DPP10: variants seen among roughly 807,000 people sequenced by gnomAD.
DPP10 encodes inactive dipeptidyl peptidase 10.
DPP10 carries 33 observed loss-of-function variants against 120.9 expected under a neutral mutation model. The ratio of observed to expected loss-of-function variants is 0.27; its 90% CI spans 0.21 to 0.37. The LOEUF is 0.37. Among genes scored for constraint, DPP10 ranks in the 10% least tolerant of loss-of-function variants. The probability of loss-of-function intolerance (pLI) is 1.00; values close to 1 mark genes in which losing one functional copy is unlikely to be tolerated. For synonymous variants in DPP10, 337 were observed against 326.1 expected, an observed-to-expected ratio of 1.03 and a Z score of -0.36; for missense variants, 816 against 942.8, an observed-to-expected ratio of 0.87 and a Z score of 1.76.
At chr2:115,448,070 C>G (rs1435717311) in intron 3 of DPP10, among the ~76,000 whole-genome samples, 1 of 152,136 alleles carries the variant, frequency 6.6e-6, no homozygotes, top group Non-Finnish European at 1.5e-5. Context: ...AGGAGAAGAT[C>G]CACCCTGTGT....
intron 7 of DPP10, among the ~76,000 whole-genome samples, chr2:115,723,670 T>G (rs1329604603): frequency 6.6e-6 from 1 of 150,852 alleles, no homozygotes; most frequent in Non-Finnish European, 1.5e-5. Context: ...GGATTGCTGG[T>G]GAGATGGAAT....
Position 115,499,604 on chromosome 2 carries a change from T to C in DPP10, c.366T>C (p.Phe122=), listed in dbSNP as rs777904268. The C allele has an allele frequency of 1.2e-6, 2 of 1,602,386 alleles. No individual in the cohort carries two copies. Among genetic ancestry groups the C allele is most frequent in the South Asian group, 2.2e-5 (2 of 90,700 alleles). The part of the protein sequence containing the change: ...ATTLLLENTT[F]VTFKASRHSV... ...CATTATTATTGGAAAACACAACTTT[T>C]GTAAGTAATGAATAATTAATTACTT... The change falls in exon 4 of 26, where the codon TTT becomes TTC. Residue 122 remains phenylalanine (F), a splice_region_variant and synonymous_variant. Transcript: ENST00000410059.
intron 1 of DPP10, among the ~76,000 whole-genome samples, chr2:114,716,289 T>C (rs541421155): frequency 2.0e-5 from 3 of 152,342 alleles, no homozygotes; most frequent in East Asian, 3.9e-4. Context: ...TTTTTGGTCA[T>C]GTATGACTTG....
At chr2:115,712,540 T>TTTTATTTATATATATATATA (rs778592374) in intron 7 of DPP10, among the ~76,000 whole-genome samples, 5 of 18,052 alleles carry the variant, frequency 2.8e-4, no homozygotes, top group African/African-American at 5.8e-4. Flanking sequence ...GAGTCCTGAA[T>TTTTATTTATATATATATATA]TAAATATATA....
At chr2:115,192,514 A>G (rs2054958150) in intron 1 of DPP10, among the ~76,000 whole-genome samples, 1 of 152,236 alleles carries the variant, frequency 6.6e-6, no homozygotes. Context: ...GATTTACCTC[A>G]TAAGGGGTTT....
chr2:114,865,613 C>G (rs969783510), intron 1 of DPP10, among the ~76,000 whole-genome samples: 1 of 152,050 alleles, frequency 6.6e-6, no homozygotes, highest in Non-Finnish European at 1.5e-5. Context: ...TGCTGGGACA[C>G]GTTCTATTCC....
chr2:115,676,262 A>C (rs2090250579), intron 5 of DPP10, among the ~76,000 whole-genome samples: 1 of 152,190 alleles, frequency 6.6e-6, no homozygotes, highest in Non-Finnish European at 1.5e-5. Context: ...ACTTAGAGAC[A>C]CTGCTGACAT....
At chr2:115,294,195 T>C (rs997362341) in intron 1 of DPP10, among the ~76,000 whole-genome samples, 3 of 152,066 alleles carry the variant, frequency 2.0e-5, no homozygotes, top group East Asian at 1.9e-4. Context: ...GGGAGCCTCA[T>C]TGAATCATTC....
At chr2:115,100,741 C>T (rs1164955301) in intron 1 of DPP10, among the ~76,000 whole-genome samples, 1 of 152,062 alleles carries the variant, frequency 6.6e-6, no homozygotes, top group Non-Finnish European at 1.5e-5. Context: ...GGAGTATTAA[C>T]CTGTGACACA....
intron 1 of DPP10, among the ~76,000 whole-genome samples, chr2:114,898,570 G>A (rs1380249431): frequency 3.3e-5 from 5 of 152,056 alleles, no homozygotes; most frequent in African/African-American, 1.2e-4. Context: ...GGAATGGAGT[G>A]TAAATATTGT....
At chr2:114,997,671 C>A (rs1422564162) in intron 1 of DPP10, among the ~76,000 whole-genome samples, 2 of 152,090 alleles carry the variant, frequency 1.3e-5, no homozygotes, top group African/African-American at 4.8e-5. Flanking sequence ...GCTTTAGCTG[C>A]ATAAATGATA....
intron 1 of DPP10, among the ~76,000 whole-genome samples, chr2:114,880,427 T>C (rs937546166): frequency 2.0e-5 from 3 of 152,182 alleles, no homozygotes; most frequent in Non-Finnish European, 4.4e-5. Flanking sequence ...TGCATCAGCA[T>C]AGTCAGATAT....
intron 5 of DPP10, among the ~76,000 whole-genome samples, chr2:115,628,920 C>CT (rs1221360101): frequency 6.6e-6 from 1 of 151,996 alleles, no homozygotes; most frequent in East Asian, 1.9e-4. Flanking sequence ...CACCCATTAA[C>CT]TCGTCATTTA....
chr2:115,055,487 CACTT>C lies in DPP10; in HGVS notation c.61-253750_61-253747del, dbSNP rs1464744427. ...TAGAAGAAAACGACAGGCGAAGAAC[CACTT>C]AAACAGGTCACTTTGAAGGAGTTCT... On this transcript the variant is annotated intron_variant, in intron 1 of 25. Coordinates refer to ENST00000410059, the MANE Select transcript of DPP10 (RefSeq NM_020868.6). Among the ~76,000 whole-genome samples, 8 of 152,254 alleles carry C rather than the reference CACTT, an allele frequency of 5.3e-5. No homozygotes were observed. The East Asian group carries it at 1.5e-3, about 29-fold the overall frequency.
intron 3 of DPP10, among the ~76,000 whole-genome samples, chr2:115,478,610 A>G (rs1360396439): frequency 6.6e-6 from 1 of 152,186 alleles, no homozygotes; most frequent in Non-Finnish European, 1.5e-5. Flanking sequence ...ACAGAGCCAT[A>G]AGGTAATCCA....
At chr2:115,116,796 G>T (rs1471826622) in intron 1 of DPP10, among the ~76,000 whole-genome samples, 13 of 152,020 alleles carry the variant, frequency 8.6e-5, no homozygotes, top group South Asian at 2.1e-4. Context: ...CTCTTGAGAG[G>T]CTCACAATTG....
At chr2:114,477,876 T>C (rs1477214154) in intron 1 of DPP10, among the ~76,000 whole-genome samples, 2 of 149,132 alleles carry the variant, frequency 1.3e-5, no homozygotes, top group African/African-American at 4.9e-5. Flanking sequence ...TATGTACATA[T>C]ATGTGTATAT....
At chr2:115,282,000 A>G (rs1285833871) in intron 1 of DPP10, among the ~76,000 whole-genome samples, 2 of 152,090 alleles carry the variant, frequency 1.3e-5, no homozygotes, top group Non-Finnish European at 2.9e-5. Flanking sequence ...GTAAAATGCA[A>G]TTGGAGTATA....
chr2:114,466,518 G>C (rs762941212), intron 1 of DPP10, among the ~76,000 whole-genome samples: 96 of 152,148 alleles, frequency 6.3e-4, no homozygotes, highest in Non-Finnish European at 7.6e-4. Context: ...ATCTGTCAGA[G>C]CTATGTGACC....
Sources: allele counts gnomAD v4.1 joint callset (sites outside exome capture counted in the v4.1 genomes callset), GRCh38; gene constraint gnomAD v4.1.1; transcripts MANE v1.5; gene names NCBI Gene and HGNC (gene_info 2026-07-23, HGNC 2026-07-21).